Variants in FABP3 observed in about 807,000 individuals in gnomAD.
FABP3 encodes the protein fatty acid-binding protein, heart.
In FABP3, 8 loss-of-function variants were observed where a neutral mutation model predicts 13.4. That is an observed-to-expected ratio of 0.60 (90% CI 0.35 to 1.07). FABP3 has a LOEUF of 1.07. FABP3 is among the 50% of genes least tolerant of loss of function. The pLI is 0.02. For missense variants in FABP3, 135 were observed against 164.7 expected, an observed-to-expected ratio of 0.82 and a Z score of 0.99; for synonymous variants, 64 against 60.0, an observed-to-expected ratio of 1.07 and a Z score of -0.31.
downstream of FABP3, among the ~76,000 whole-genome samples, chr1:31,361,777 GA>G (rs1299935204): frequency 1.3e-5 from 2 of 150,616 alleles, no homozygotes; most frequent in Non-Finnish European, 3.0e-5. Flanking sequence ...TTTTTGGGGA[GA>G]GGGGGAGATT....
chr1:31,361,942 G>C (rs1639917684), downstream of FABP3, among the ~76,000 whole-genome samples: 1 of 152,074 alleles, frequency 6.6e-6, no homozygotes, highest in Admixed American at 6.6e-5. Context: ...TTCCTGAGTA[G>C]CTGGGACTAC....
At chr1:31,361,154 A>G (rs1272939611), downstream of FABP3, among the ~76,000 whole-genome samples, 2 of 152,066 alleles carry the variant, frequency 1.3e-5, no homozygotes, top group Non-Finnish European at 2.9e-5. Flanking sequence ...TGATTTGCCA[A>G]CTCTCAGCTC....
Position 31,365,901 on chromosome 1 carries a change from A to G in FABP3, c.387T>C (p.Tyr129=), listed in dbSNP as rs1048168. The G allele has an allele frequency of 5.0e-6, 8 of 1,613,860 alleles. No individual in the cohort carries two copies. The highest frequency in any genetic ancestry group is 3.3e-5 in the Admixed American group (2 of 59,990). Residue 129 remains tyrosine (Y), a synonymous_variant, in exon 4 of 4, where the codon TAT becomes TAC. Coordinates refer to ENST00000373713, the MANE Select transcript of FABP3 (RefSeq NM_004102.5). ...TGCAGTCAGGTCATGCCTCTTTCTC[A>G]TAAGTGCGAGTGCAAACTGCAGTGC... ...THGTAVCTRT[Y]EKEA is the part of the protein sequence containing the mutation.
chr1:31,359,703 C>T, the FABP3 span, among the ~76,000 whole-genome samples: 1 of 152,116 alleles, frequency 6.6e-6, no homozygotes, highest in East Asian at 1.9e-4. Flanking sequence ...GGGATATGTG[C>T]TTTTCCTAGA....
In FABP3 at chr1:31,365,740, A is replaced by C; in HGVS notation, c.*146T>G. On this transcript the variant is annotated 3_prime_UTR_variant, in exon 4 of 4. Coordinates refer to ENST00000373713, the MANE Select transcript of FABP3 (RefSeq NM_004102.5). The stretch of plus-strand genomic sequence containing the variant: ...AAAAAAAACCACATACACCATGGGA[A>C]CTGGAACTGGATCCCGGTCAGTGGC... The C allele has an allele frequency of 1.4e-6, 1 of 693,674 alleles. No homozygotes were observed. Among genetic ancestry groups the C allele is most frequent in the Non-Finnish European group, 2.5e-6 (1 of 393,090 alleles). 43.0% of individuals were successfully genotyped at this position (693,674 alleles called of 1,614,324 possible).
Position 31,367,465 on chromosome 1 carries a change from A to G in FABP3, c.276T>C (p.Leu92=). ...KSIVTLDGGK[L]VHLQKWDGQE... is the part of the protein sequence containing the mutation. Reference sequence around the variant, plus strand: ...GCCCGTCCCATTTCTGCAGGTGAACAAGTTTCCCTCCATCCAGTGTCACAA... The same window carrying G: ...GCCCGTCCCATTTCTGCAGGTGAACGAGTTTCCCTCCATCCAGTGTCACAA... Residue 92 remains leucine (L), a synonymous_variant, in exon 3 of 4, where the codon CTT becomes CTC. Coordinates refer to ENST00000373713, the MANE Select transcript of FABP3 (RefSeq NM_004102.5). 6.2e-7 allele frequency: 1 copy of G among 1,614,162 alleles called. No individual in the cohort carries two copies. Among genetic ancestry groups the G allele is most frequent in the Non-Finnish European group, 8.5e-7 (1 of 1,180,016 alleles).
chr1:31,365,343 G>T lies in FABP3; in HGVS notation c.*543C>A, dbSNP rs1305189726. On this transcript the variant is annotated 3_prime_UTR_variant, in exon 4 of 4. Transcript: ENST00000373713. ...TTTCACAGAGAACAGCCAGACCCAA[G>T]AGCTTTCAGTGTAGGATGGGCCTGA... is the stretch of plus-strand genomic sequence containing the variant. Among the ~76,000 whole-genome samples the T allele has an allele frequency of 6.6e-6, 1 of 152,188 alleles. No homozygotes were observed. Among genetic ancestry groups the T allele is most frequent in the Non-Finnish European group, 1.5e-5 (1 of 68,040 alleles).
intron 1 of FABP3, among the ~76,000 whole-genome samples, chr1:31,369,879 C>T (rs950435108): frequency 3.3e-5 from 5 of 152,010 alleles, no homozygotes; most frequent in South Asian, 2.1e-4. Flanking sequence ...CCAAGGCAGG[C>T]GGATCACATG....
chr1:31,365,952 A>T lies in FABP3; in HGVS notation c.349-13T>A. 1.9e-6 allele frequency: 3 copies of T among 1,613,340 alleles called. No individual in the cohort carries two copies. The highest frequency in any genetic ancestry group is 2.5e-6 in the Non-Finnish European group (3 of 1,179,696). On this transcript the variant is annotated splice_polypyrimidine_tract_variant and intron_variant, in intron 3 of 3. Transcript: ENST00000373713. ...CGTGGGTGAGTGTCTGGAAGGAAAG[A>T]CAGAGTGAGATGGGGGGTGGAGCCA...
chr1:31,372,343 A>G (rs996114848), intron 1 of FABP3, among the ~76,000 whole-genome samples: 5 of 152,114 alleles, frequency 3.3e-5, no homozygotes, highest in Non-Finnish European at 2.9e-5. Flanking sequence ...CATAGACTGC[A>G]GGACAAGGTC....
chr1:31,370,533 A>G (rs891284588), intron 1 of FABP3, among the ~76,000 whole-genome samples: 2 of 152,208 alleles, frequency 1.3e-5, no homozygotes, highest in South Asian at 2.1e-4. Flanking sequence ...CCTGTTATCT[A>G]TGATCTAGGA....
downstream of FABP3, among the ~76,000 whole-genome samples, chr1:31,361,685 C>T (rs927925503): frequency 1.3e-5 from 2 of 152,180 alleles, no homozygotes; most frequent in Non-Finnish European, 1.5e-5. Flanking sequence ...ATCCCAACTG[C>T]GCCTATGCGA....
In FABP3 at chr1:31,365,319, T is replaced by G. The variant is rs1640081859; in HGVS notation, c.*567A>C. 6.6e-6 allele frequency among the ~76,000 whole-genome samples: 1 copy of G among 152,116 alleles called. No individual in the cohort carries two copies. Among genetic ancestry groups the G allele is most frequent in the African/African-American group, 2.4e-5 (1 of 41,414 alleles). On this transcript the variant is annotated 3_prime_UTR_variant, in exon 4 of 4. Coordinates refer to ENST00000373713, the MANE Select transcript of FABP3 (RefSeq NM_004102.5). Reference sequence around the variant, plus strand: ...TCTGGAAAGGGAGAGACTACAGCATTTCACAGAGAACAGCCAGACCCAAGA... The same window carrying G: ...TCTGGAAAGGGAGAGACTACAGCATGTCACAGAGAACAGCCAGACCCAAGA...
chr1:31,368,043 G>A (rs1476596963), intron 2 of FABP3, among the ~76,000 whole-genome samples: 1 of 152,144 alleles, frequency 6.6e-6, no homozygotes, highest in Non-Finnish European at 1.5e-5. Context: ...GACCTCTTTA[G>A]CCAACAAGAG....
intron 2 of FABP3, among the ~76,000 whole-genome samples, chr1:31,367,898 G>T (rs1017578536): frequency 6.6e-6 from 1 of 152,224 alleles, no homozygotes; most frequent in Non-Finnish European, 1.5e-5. Context: ...TGAGGAGGAG[G>T]AGTAGTCCTG....
downstream of FABP3, among the ~76,000 whole-genome samples, chr1:31,361,776 A>G (rs1430709423): frequency 6.6e-6 from 1 of 150,422 alleles, no homozygotes; most frequent in Non-Finnish European, 1.5e-5. Context: ...TTTTTTGGGG[A>G]GAGGGGGAGA....
chr1:31,366,059 T>C, intron 3 of FABP3, 120 bp from the exon 4 acceptor site: 1 of 647,146 alleles, frequency 1.5e-6, no homozygotes, highest in South Asian at 1.6e-5. Flanking sequence ...GCTATATGTA[T>C]GTATGTGTGT....
In FABP3 at chr1:31,367,421, C is replaced by T. The variant is rs1465802609; in HGVS notation, c.320G>A (p.Arg107Gln). The T allele has an allele frequency of 1.1e-5, 18 of 1,614,066 alleles. No individual in the cohort carries two copies. The highest frequency in any genetic ancestry group is 1.1e-4 in the South Asian group (10 of 91,090). The change falls in exon 3 of 4, where the codon CGG (arginine) becomes CAG (glutamine). Residue 107 changes from arginine (R) to glutamine (Q), a missense_variant. By Grantham distance (43) the Arg-to-Gln change is conservative. Coordinates refer to ENST00000373713, the MANE Select transcript of FABP3 (RefSeq NM_004102.5). The stretch of plus-strand genomic sequence containing the variant: ...GATGAGTTTTCCATCAATTAGCTCC[C>T]GCACAAGTGTGGTCTCTTGCCCGTC... ...KWDGQETTLV[R>Q]ELIDGKLILT...
chr1:31,367,880 AGACT>A (rs1197554418), intron 2 of FABP3, among the ~76,000 whole-genome samples: 4 of 152,270 alleles, frequency 2.6e-5, no homozygotes, highest in Non-Finnish European at 4.4e-5. Context: ...TCCCTGGGAA[AGACT>A]GACTGAGGAG....
Sources: gnomAD v4.1 joint callset for allele counts (sites outside exome capture counted in the v4.1 genomes callset) on GRCh38, gnomAD v4.1.1 for gene constraint, MANE v1.5 for transcripts, NCBI Gene and HGNC (gene_info 2026-07-23, HGNC 2026-07-21) for gene names.